The following HS3ST5 variants were observed in gnomAD, a reference collection of about 807,000 sequenced individuals.
HS3ST5 encodes heparan sulfate-glucosamine 3-sulfotransferase 5.
Under a neutral mutation model 25.4 loss-of-function variants are expected in HS3ST5, and 10 were observed. That is an observed-to-expected ratio of 0.39 (90% CI 0.24 to 0.67). The LOEUF (loss-of-function observed/expected upper bound fraction) is 0.67. HS3ST5 is among the 30% of genes least tolerant of loss of function. The probability of loss-of-function intolerance (pLI) is 0.44; values close to 1 mark genes in which losing one functional copy is unlikely to be tolerated. For missense variants in HS3ST5, 324 were observed against 420.7 expected (o/e 0.77, Z 2.01); for synonymous variants, 170 against 162.4 (o/e 1.05, Z -0.36).
At position 114,318,608 on chromosome 6, in the gene HS3ST5, A is replaced by G. The variant is rs545074389; in HGVS notation, c.-339+23587T>C. 5.6e-4 allele frequency among the ~76,000 whole-genome samples: 86 copies of G among 152,308 alleles called. 1 individual carries two copies. The highest frequency in any genetic ancestry group is 2.0e-3 in the African/African-American group (83 of 41,572). On this transcript the variant is annotated intron_variant, in intron 1 of 4. Transcript: ENST00000312719. ...GCTTTTCCTCTAGCTCTTTATAATT[A>G]ACTGAGTCCTACCCCATCTCCCTCT...
intron 3 of HS3ST5, among the ~76,000 whole-genome samples, chr6:114,070,375 C>T (rs1416060848): frequency 6.6e-6 from 1 of 151,394 alleles, no homozygotes; most frequent in African/African-American, 2.4e-5. Flanking sequence ...GGAGAAAATA[C>T]TAATAAGTAA....
At chr6:114,075,835 C>T (rs1038847173) in intron 3 of HS3ST5, among the ~76,000 whole-genome samples, 2 of 152,182 alleles carry the variant, frequency 1.3e-5, no homozygotes, top group Admixed American at 6.5e-5. Context: ...CCTTTTATTT[C>T]TCCCTCTCAG....
intron 2 of HS3ST5, among the ~76,000 whole-genome samples, chr6:114,175,646 GAGA>G: frequency 6.6e-6 from 1 of 152,296 alleles, no homozygotes; most frequent in Non-Finnish European, 1.5e-5. Context: ...ACAGGAGGAA[GAGA>G]AGAAGCTACT....
intron 2 of HS3ST5, among the ~76,000 whole-genome samples, chr6:114,210,419 A>G (rs1781461717): frequency 6.6e-6 from 1 of 152,198 alleles, no homozygotes; most frequent in African/African-American, 2.4e-5. Context: ...AAAAATGGAC[A>G]AGAAAACTGT....
At chr6:114,128,384 T>C (rs13205720) in intron 3 of HS3ST5, among the ~76,000 whole-genome samples, 2,957 of 152,316 alleles carry the variant, frequency 0.019, 52 homozygotes, top group Non-Finnish European at 0.028. Flanking sequence ...AGTGCAGCCA[T>C]GTAAATATTT....
At chr6:114,149,348 T>C (rs932471749) in intron 3 of HS3ST5, among the ~76,000 whole-genome samples, 15 of 152,132 alleles carry the variant, frequency 9.9e-5, no homozygotes, top group Non-Finnish European at 1.8e-4. Flanking sequence ...CCATCAATGA[T>C]AGACTGGATA....
chr6:114,107,496 A>G (rs1235479204), intron 3 of HS3ST5, among the ~76,000 whole-genome samples: 1 of 152,186 alleles, frequency 6.6e-6, no homozygotes, highest in Admixed American at 6.5e-5. Flanking sequence ...TGTTCTTACC[A>G]CTTCTACTCA....
chr6:114,234,163 G>A (rs1040548718), intron 1 of HS3ST5, among the ~76,000 whole-genome samples: 4 of 152,066 alleles, frequency 2.6e-5, no homozygotes, highest in South Asian at 2.1e-4. Flanking sequence ...CTTAATCTTC[G>A]GGCTCTAAAA....
intron 3 of HS3ST5, among the ~76,000 whole-genome samples, chr6:114,165,098 T>C (rs1442983382): frequency 6.6e-6 from 1 of 152,164 alleles, no homozygotes; most frequent in Non-Finnish European, 1.5e-5. Context: ...TATGGATGGA[T>C]AGTATTATTC....
chr6:114,322,529 A>G (rs1445810975), intron 1 of HS3ST5, among the ~76,000 whole-genome samples: 1 of 152,182 alleles, frequency 6.6e-6, no homozygotes, highest in Non-Finnish European at 1.5e-5. Flanking sequence ...TTCTAAATTA[A>G]AAAAGGTAAC....
Position 114,082,673 on chromosome 6 carries a change from C to A in HS3ST5, c.-32-19796G>T, listed in dbSNP as rs537957588. Among the ~76,000 whole-genome samples the A allele has an allele frequency of 2.0e-5, 3 of 152,312 alleles. No individual in the cohort carries two copies. In the South Asian group the frequency reaches 6.2e-4, roughly 32 times the overall value. On this transcript the variant is annotated intron_variant, in intron 3 of 4. Transcript: ENST00000312719. ...TATGTTAGCTATGAGTTCTAAATTT[C>A]TCTTCAAATAATCAATATGTCAGTA...
chr6:114,210,086 T>C (rs913844113), intron 2 of HS3ST5, among the ~76,000 whole-genome samples: 3 of 152,184 alleles, frequency 2.0e-5, no homozygotes, highest in Admixed American at 2.0e-4. Flanking sequence ...GTAAATACTC[T>C]ATTGTAAATC....
intron 3 of HS3ST5, among the ~76,000 whole-genome samples, chr6:114,167,938 A>G (rs1321860840): frequency 6.6e-6 from 1 of 152,152 alleles, no homozygotes; most frequent in East Asian, 1.9e-4. Context: ...AAAACTATCA[A>G]AGAGTAGTTG....
At chr6:114,252,510 G>T (rs1772709602) in intron 1 of HS3ST5, among the ~76,000 whole-genome samples, 1 of 152,172 alleles carries the variant, frequency 6.6e-6, no homozygotes, top group African/African-American at 2.4e-5. Context: ...AGTTCTAGAT[G>T]GTTGCAAGAG....
chr6:114,161,112 G>T (rs1778924505), intron 3 of HS3ST5, among the ~76,000 whole-genome samples: 1 of 151,956 alleles, frequency 6.6e-6, no homozygotes, highest in Non-Finnish European at 1.5e-5. Context: ...TTGCAAATGG[G>T]TCTTCCTAGA....
intron 1 of HS3ST5, among the ~76,000 whole-genome samples, chr6:114,330,377 G>C (rs1776344757): frequency 6.6e-6 from 1 of 152,160 alleles, no homozygotes; most frequent in African/African-American, 2.4e-5. Flanking sequence ...TACAGTAGTT[G>C]CTCGGTAAAT....
At chr6:114,199,679 C>T (rs945340058) in intron 2 of HS3ST5, among the ~76,000 whole-genome samples, 44 of 152,194 alleles carry the variant, frequency 2.9e-4, no homozygotes, top group African/African-American at 1.0e-3. Context: ...AGAAAATTTA[C>T]CATTGTATTA....
At chr6:114,299,227 T>A (rs2114802450) in intron 1 of HS3ST5, among the ~76,000 whole-genome samples, 1 of 152,260 alleles carries the variant, frequency 6.6e-6, no homozygotes, top group East Asian at 1.9e-4. Flanking sequence ...AGCCCCAGTC[T>A]CCCATAGTGT....
At chr6:114,138,451 T>G (rs915083519) in intron 3 of HS3ST5, among the ~76,000 whole-genome samples, 1 of 152,194 alleles carries the variant, frequency 6.6e-6, no homozygotes, top group African/African-American at 2.4e-5. Context: ...ATGGTGGAAA[T>G]GTGGGCAAAA....
Sources: allele counts gnomAD v4.1 joint callset (sites outside exome capture counted in the v4.1 genomes callset), GRCh38; gene constraint gnomAD v4.1.1; transcripts MANE v1.5; gene names NCBI Gene and HGNC (gene_info 2026-07-23, HGNC 2026-07-21).